The following CEP85L variants were observed in gnomAD, a reference collection of about 807,000 sequenced individuals.
The protein encoded by CEP85L is centrosomal protein 85L.
Under a neutral mutation model 100.3 loss-of-function variants are expected in CEP85L, and 60 were observed. The observed-to-expected ratio is 0.60, with a 90% CI of 0.49 to 0.74. The LOEUF is 0.74. CEP85L is among the 30% of genes least tolerant of loss of function. The pLI, the probability that CEP85L is intolerant of heterozygous loss-of-function variation, is 0.00. For synonymous variants in CEP85L, 319 were observed against 322.7 expected (o/e 0.99, Z 0.12); for missense variants, 973 against 936.2 (o/e 1.04, Z -0.51).
At chr6:118,488,188 G>C (rs1452551202) in intron 6 of CEP85L, among the ~76,000 whole-genome samples, 1 of 151,832 alleles carries the variant, frequency 6.6e-6, no homozygotes, top group East Asian at 1.9e-4. Context: ...AGGGAAATAT[G>C]TCCAAAACAA....
chr6:118,595,603 G>C (rs1304712027), intron 2 of CEP85L, among the ~76,000 whole-genome samples: 2 of 152,144 alleles, frequency 1.3e-5, no homozygotes, highest in Non-Finnish European at 2.9e-5. Context: ...GGTTAAAAAG[G>C]AAGAGGCAAC....
intron 1 of CEP85L, among the ~76,000 whole-genome samples, chr6:118,668,765 C>G (rs1383166037): frequency 2.0e-5 from 3 of 152,164 alleles, no homozygotes; most frequent in Non-Finnish European, 2.9e-5. Context: ...TATTTTAAAA[C>G]ATATTTTGTA....
chr6:118,692,862 T>C (rs1777091096), intron 1 of CEP85L, among the ~76,000 whole-genome samples: 1 of 126,900 alleles, frequency 7.9e-6, no homozygotes, highest in Non-Finnish European at 1.8e-5. Flanking sequence ...CACTAAAGCT[T>C]AAACTTTGTG....
intron 3 of CEP85L, among the ~76,000 whole-genome samples, chr6:118,546,686 G>C (rs1778222953): frequency 1.3e-5 from 2 of 152,020 alleles, no homozygotes; most frequent in South Asian, 4.1e-4. Flanking sequence ...CTATTCTTTA[G>C]CAGCTGGTTA....
At chr6:118,544,382 A>G (rs1778079180) in intron 3 of CEP85L, among the ~76,000 whole-genome samples, 2 of 152,188 alleles carry the variant, frequency 1.3e-5, no homozygotes, top group Non-Finnish European at 2.9e-5. Context: ...TTATTATTAC[A>G]CGTGCTCATT....
Position 118,601,996 on chromosome 6 carries a change from T to G in CEP85L, c.232+30457A>C, listed in dbSNP as rs187356634. Reference sequence around the variant, plus strand: ...AGCCCAGTAGGTTTCAGCCTCATTTTACCCAGCTCCTGTTTAAGATGGAGT... The same window carrying G: ...AGCCCAGTAGGTTTCAGCCTCATTTGACCCAGCTCCTGTTTAAGATGGAGT... On this transcript the variant is annotated intron_variant, in intron 2 of 12. Coordinates refer to ENST00000368491, the MANE Select transcript of CEP85L (RefSeq NM_001042475.3). 3.5e-3 allele frequency among the ~76,000 whole-genome samples: 536 copies of G among 152,328 alleles called. 1 individual carries two copies. The highest frequency in any genetic ancestry group is 4.1e-3 in the Non-Finnish European group (277 of 68,028).
At chr6:118,537,581 A>G (rs1777666784) in intron 3 of CEP85L, 12 of 985,166 alleles carry the variant, frequency 1.2e-5, no homozygotes, top group African/African-American at 1.7e-5. Flanking sequence ...GCAGGCATCT[A>G]CAACAATCCC....
chr6:118,707,378 G>C (rs1345876585), intron 1 of CEP85L, among the ~76,000 whole-genome samples: 1 of 151,512 alleles, frequency 6.6e-6, no homozygotes, highest in Admixed American at 6.6e-5. Context: ...ATTTTTTGTA[G>C]AGATAAAATT....
rs564819883 is a variant in CEP85L, at chr6:118,646,595, G to A, written c.73+4602C>T. On this transcript the variant is annotated intron_variant, in intron 1 of 12. Coordinates refer to ENST00000368491, the MANE Select transcript of CEP85L (RefSeq NM_001042475.3). ...GAGGTAGGAGAATCGCTTGAACCCCGGAGACGGAGGTTGCTGTGAGCCGAG... is the reference window on the plus strand; with the variant it reads ...GAGGTAGGAGAATCGCTTGAACCCCAGAGACGGAGGTTGCTGTGAGCCGAG... Among the ~76,000 whole-genome samples, 415 of 151,660 alleles carry A rather than the reference G, an allele frequency of 2.7e-3. 1 individual carries two copies. Among genetic ancestry groups the A allele is most frequent in the African/African-American group, 9.3e-3 (384 of 41,338 alleles).
chr6:118,704,821 C>T (rs1167895677), intron 1 of CEP85L, among the ~76,000 whole-genome samples: 1 of 152,130 alleles, frequency 6.6e-6, no homozygotes, highest in Non-Finnish European at 1.5e-5. Context: ...GCATTTTATT[C>T]CTCCATTTGC....
chr6:118,702,606 C>T (rs373739504), intron 1 of CEP85L, among the ~76,000 whole-genome samples: 1 of 152,178 alleles, frequency 6.6e-6, no homozygotes, highest in African/African-American at 2.4e-5. Context: ...TTTATATAGA[C>T]CTTTTGATAA....
At chr6:118,531,467 T>G (rs1416807669) in intron 3 of CEP85L, among the ~76,000 whole-genome samples, 1 of 152,068 alleles carries the variant, frequency 6.6e-6, no homozygotes, top group East Asian at 1.9e-4. Context: ...GATTTCATGA[T>G]GAAGACTCCA....
rs138885828 is a variant in CEP85L, at chr6:118,464,164, A to G, written c.*1241T>C. The G allele has an allele frequency of 1.3e-5, 2 of 152,312 alleles. No individual in the cohort carries two copies. Among genetic ancestry groups the G allele is most frequent in the East Asian group, 3.9e-4 (2 of 5,190 alleles). 9.4% of individuals were successfully genotyped at this position (152,312 alleles called of 1,614,324 possible). A position where few individuals can be genotyped will look rare whatever the true frequency, so the allele number is the denominator to read the frequency against. On this transcript the variant is annotated 3_prime_UTR_variant, in exon 13 of 13. Transcript: ENST00000368491. ...ATTCAAAAGAACATAATCAATGCTG[A>G]AGGCAATAAAATGTATAATCCTTCC...
chr6:118,616,461 T>C (rs937744952), intron 2 of CEP85L, among the ~76,000 whole-genome samples: 3 of 150,912 alleles, frequency 2.0e-5, no homozygotes, highest in East Asian at 1.9e-4. Flanking sequence ...GAGACCATGA[T>C]AGAAGGATCA....
At chr6:118,671,607 T>C (rs1375644085) in intron 1 of CEP85L, among the ~76,000 whole-genome samples, 1 of 152,186 alleles carries the variant, frequency 6.6e-6, no homozygotes, top group African/African-American at 2.4e-5. Context: ...AAAGCACTGA[T>C]ATACATTGGT....
intron 2 of CEP85L, among the ~76,000 whole-genome samples, chr6:118,606,429 C>T (rs1241299790): frequency 6.6e-6 from 1 of 152,244 alleles, no homozygotes; most frequent in East Asian, 1.9e-4. Context: ...TGCAAAATGT[C>T]AGCTACTGAG....
intron 1 of CEP85L, among the ~76,000 whole-genome samples, chr6:118,691,138 G>A (rs1777029551): frequency 3.2e-5 from 2 of 62,586 alleles, no homozygotes; most frequent in Non-Finnish European, 8.0e-5. Context: ...AAGGAGGCCA[G>A]GCGTGGTGGC....
chr6:118,547,292 A>G (rs1778264200), intron 3 of CEP85L, among the ~76,000 whole-genome samples: 1 of 152,106 alleles, frequency 6.6e-6, no homozygotes, highest in Non-Finnish European at 1.5e-5. Flanking sequence ...CTGTAAGATA[A>G]ACTGTTCTAG....
chr6:118,492,529 T>C (rs1326999197), intron 5 of CEP85L, among the ~76,000 whole-genome samples: 2 of 152,130 alleles, frequency 1.3e-5, no homozygotes, highest in Admixed American at 6.5e-5. Flanking sequence ...GGGAAGATAT[T>C]CCCTCTCCCC....
Sources: allele counts gnomAD v4.1 joint callset (sites outside exome capture counted in the v4.1 genomes callset), GRCh38; gene constraint gnomAD v4.1.1; transcripts MANE v1.5; gene names NCBI Gene and HGNC (gene_info 2026-07-23, HGNC 2026-07-21).